The following FN1 variants were observed in gnomAD, a reference collection of about 807,000 sequenced individuals.
The protein encoded by FN1 is fibronectin 1, also known as fibronectin.
In FN1, 106 loss-of-function variants were observed where a neutral mutation model predicts 297.3. The observed-to-expected ratio is 0.36, with a 90% confidence interval of 0.30 to 0.42. FN1 has a LOEUF of 0.42. Among genes scored for constraint, FN1 ranks in the 10% least tolerant of loss-of-function variants. The probability of loss-of-function intolerance (pLI) is 1.00; values close to 1 mark genes in which losing one functional copy is unlikely to be tolerated. For missense variants in FN1, 2,690 were observed against 3,124.9 expected (o/e 0.86, Z 3.32); for synonymous variants, 1,149 against 1,152.6 (o/e 1.00, Z 0.06).
intron 15 of FN1, among the ~76,000 whole-genome samples, chr2:215,408,879 T>A (rs1486000840): frequency 6.6e-6 from 1 of 152,212 alleles, no homozygotes; most frequent in African/African-American, 2.4e-5. Flanking sequence ...TAATCTGTGA[T>A]TATTAATGTA....
At position 215,371,889 on chromosome 2, in the gene FN1, TGAAGA is replaced by T. The variant is rs2056251825; in HGVS notation, c.6714+15_6714+19del. On this transcript the variant is annotated intron_variant, in intron 40 of 45. Coordinates refer to ENST00000354785, the MANE Select transcript of FN1 (RefSeq NM_212482.4). Reference sequence around the variant, plus strand: ...CCTTTCTGTGCTGCCCCATGAGAAGTGAAGAGAACAATTAATTACCTGTAAGGGTT... The same window carrying T: ...CCTTTCTGTGCTGCCCCATGAGAAGTGAACAATTAATTACCTGTAAGGGTT... 1.3e-6 allele frequency: 2 copies of T among 1,589,002 alleles called. No individual in the cohort carries two copies. Among genetic ancestry groups the T allele is most frequent in the South Asian group, 1.1e-5 (1 of 90,620 alleles).
intron 28 of FN1, among the ~76,000 whole-genome samples, chr2:215,386,239 G>C (rs1416718715): frequency 6.6e-6 from 1 of 151,266 alleles, no homozygotes; most frequent in Non-Finnish European, 1.5e-5. Flanking sequence ...ACCACACCTT[G>C]CTAATTTTTG....
chr2:215,388,753 A>G (rs2059346760), intron 26 of FN1, among the ~76,000 whole-genome samples: 1 of 152,192 alleles, frequency 6.6e-6, no homozygotes, highest in African/African-American at 2.4e-5. Context: ...CTTTAAAGTG[A>G]TGGGTTTTTA....
chr2:215,372,118 G>A lies in FN1; in HGVS notation c.6505C>T (p.Pro2169Ser). 1 of 1,614,198 alleles carries A rather than the reference G, an allele frequency of 6.2e-7. No homozygotes were observed. The highest frequency in any genetic ancestry group is 1.1e-5 in the South Asian group (1 of 91,090). Residue 2169 changes from proline (P) to serine (S), a missense_variant, in exon 40 of 46, where the codon CCG becomes TCG. By Grantham distance (74) the Pro-to-Ser change is moderately conservative. Around this residue, in one of 3 missense-constraint regions of FN1, gnomAD observed 1,743 missense variants for 1,945.2 expected, o/e 0.90. Coordinates refer to ENST00000354785, the MANE Select transcript of FN1 (RefSeq NM_212482.4). The part of the protein sequence containing the change: ...PIRHRPRPYP[P>S]NVGEEIQIGH... ...ATTTGGATTTCCTCACCTACATTCG[G>A]CGGGTATGGTCTTGGCCTATGCCTT...
chr2:215,402,493 A>T (rs2061282227), intron 20 of FN1, among the ~76,000 whole-genome samples: 5 of 152,224 alleles, frequency 3.3e-5, no homozygotes, highest in African/African-American at 4.8e-5. Flanking sequence ...AAAACTCAGA[A>T]AAGTTACTCC....
chr2:215,433,304 T>C lies in FN1; in HGVS notation c.415+20A>G, dbSNP rs1349524940. Reference sequence around the variant, plus strand: ...TCATATTTGATATTTTGGCATCATTTTACACAATCTCTTCCTTACTTGCGA... The same window carrying C: ...TCATATTTGATATTTTGGCATCATTCTACACAATCTCTTCCTTACTTGCGA... On this transcript the variant is annotated intron_variant, in intron 3 of 45. Transcript: ENST00000354785. The C allele has an allele frequency of 6.2e-7, 1 of 1,613,818 alleles. No homozygotes were observed. The highest frequency in any genetic ancestry group is 1.1e-5 in the South Asian group (1 of 91,074).
intron 14 of FN1, 64 bp downstream of exon 14, chr2:215,409,870 C>T: frequency 1.2e-6 from 2 of 1,602,694 alleles, no homozygotes; most frequent in East Asian, 2.2e-5. Context: ...GAAAGCATTG[C>T]CTCAGGAGAG....
intron 38 of FN1, among the ~76,000 whole-genome samples, chr2:215,374,106 C>G (rs992726835): frequency 6.6e-6 from 1 of 152,168 alleles, no homozygotes; most frequent in Non-Finnish European, 1.5e-5. Flanking sequence ...ATACATGAAT[C>G]TACTTAGGCC....
intron 20 of FN1, among the ~76,000 whole-genome samples, chr2:215,402,793 A>G (rs975973914): frequency 6.6e-6 from 1 of 152,236 alleles, no homozygotes; most frequent in African/African-American, 2.4e-5. Flanking sequence ...TACTTCAGTT[A>G]AAATCATTAT....
intron 39 of FN1, 100 bp from the exon 40 acceptor site, chr2:215,372,475 A>G (rs1378737841): frequency 1.1e-6 from 1 of 880,400 alleles, no homozygotes; most frequent in East Asian, 2.5e-5. Context: ...ACTGTTCATC[A>G]ATTTGATAAA....
At chr2:215,371,850 T>C in intron 40 of FN1, 59 bp downstream of exon 40, 1 of 1,455,632 alleles carries the variant, frequency 6.9e-7, no homozygotes, top group South Asian at 1.1e-5. Flanking sequence ...GTCACTTCAG[T>C]TACCTAACTT....
At chr2:215,430,342 A>T (rs2066279217) in intron 5 of FN1, among the ~76,000 whole-genome samples, 1 of 152,214 alleles carries the variant, frequency 6.6e-6, no homozygotes, top group African/African-American at 2.4e-5. Context: ...GGTCAGAGAC[A>T]CTATCCCTAA....
At chr2:215,424,106 A>G in intron 8 of FN1, 40 bp downstream of exon 8, 1 of 1,592,668 alleles carries the variant, frequency 6.3e-7, no homozygotes, top group Non-Finnish European at 8.6e-7. Flanking sequence ...CATGAAAGTG[A>G]GTTTTTCTCA....
At chr2:215,377,018 A>G (rs1211595687) in intron 35 of FN1, among the ~76,000 whole-genome samples, 1 of 151,842 alleles carries the variant, frequency 6.6e-6, no homozygotes, top group African/African-American at 2.4e-5. Context: ...AGGAGTTACA[A>G]TAACATGGCC....
At chr2:215,411,626 C>A (rs898993148) in intron 13 of FN1, among the ~76,000 whole-genome samples, 3 of 150,100 alleles carry the variant, frequency 2.0e-5, no homozygotes, top group Non-Finnish European at 3.0e-5. Context: ...TCAAAAAATT[C>A]ATCACTGCTG....
At chr2:215,403,006 A>G (rs777916006) in intron 20 of FN1, among the ~76,000 whole-genome samples, 6 of 152,160 alleles carry the variant, frequency 3.9e-5, no homozygotes, top group Non-Finnish European at 7.4e-5. Context: ...CAAGACAACT[A>G]TAGAATTCTA....
chr2:215,392,866 C>G (rs552358670), intron 25 of FN1, 65 bp downstream of exon 25: 1 of 1,567,974 alleles, frequency 6.4e-7, no homozygotes, highest in Non-Finnish European at 8.8e-7. Context: ...CATATTTAAC[C>G]GGAGTAACTG....
At chr2:215,429,929 G>A (rs2066188734) in intron 5 of FN1, among the ~76,000 whole-genome samples, 1 of 152,150 alleles carries the variant, frequency 6.6e-6, no homozygotes, top group Non-Finnish European at 1.5e-5. Flanking sequence ...CAAAGATCTT[G>A]GAAGTCTGAT....
At chr2:215,429,675 A>G (rs2066129847) in intron 5 of FN1, among the ~76,000 whole-genome samples, 3 of 152,224 alleles carry the variant, frequency 2.0e-5, no homozygotes, top group Admixed American at 2.0e-4. Context: ...TGTTTTGCAG[A>G]TGATAAATAT....
Sources: gnomAD v4.1 joint callset for allele counts (sites outside exome capture counted in the v4.1 genomes callset) on GRCh38, gnomAD v4.1.1 for gene constraint, gnomAD v4.1.1 regional missense constraint, MANE v1.5 for transcripts, NCBI Gene and HGNC (gene_info 2026-07-23, HGNC 2026-07-21) for gene names.